The following DGLUCY variants were observed in gnomAD, a reference collection of about 807,000 sequenced individuals.
DGLUCY encodes D-glutamate cyclase, mitochondrial.
In DGLUCY, 58 loss-of-function variants were observed where a neutral mutation model predicts 58.5. The observed-to-expected ratio is 0.99, with a 90% CI of 0.80 to 1.23. The LOEUF is 1.23. Ranked by LOEUF, DGLUCY falls within the 50% of genes most tolerant of loss-of-function variation. The pLI is 0.00. For synonymous variants in DGLUCY, 325 were observed against 314.1 expected (o/e 1.03, Z -0.37); for missense variants, 779 against 784.7 (o/e 0.99, Z 0.09).
At position 91,195,915 on chromosome 14, in the gene DGLUCY, C is replaced by T. The variant is rs2050177036; in HGVS notation, c.1196-460C>T. Among the ~76,000 whole-genome samples the T allele has an allele frequency of 3.9e-5, 6 of 152,180 alleles. No individual in the cohort carries two copies. In the South Asian group the frequency reaches 1.2e-3, roughly 32 times the overall value. On this transcript the variant is annotated intron_variant, in intron 9 of 13. Coordinates refer to ENST00000256324, the MANE Select transcript of DGLUCY (RefSeq NM_001102368.3). The stretch of plus-strand genomic sequence containing the variant: ...TCAATCTCCTGACCTCGTGATCCGC[C>T]CACCTTGGCCTCCCAAAGTGCTGGA...
At chr14:91,154,054 C>T (rs1482824636) in intron 1 of DGLUCY, among the ~76,000 whole-genome samples, 2 of 152,104 alleles carry the variant, frequency 1.3e-5, no homozygotes, top group Non-Finnish European at 2.9e-5. Flanking sequence ...TACGGGTGTG[C>T]ACCACTATGC....
At chr14:91,207,053 G>A (rs949261779) in intron 12 of DGLUCY, among the ~76,000 whole-genome samples, 1 of 150,604 alleles carries the variant, frequency 6.6e-6, no homozygotes, top group Admixed American at 6.7e-5. Flanking sequence ...GGCTACGTGG[G>A]GGGGCTGAGG....
chr14:91,177,762 T>C (rs750385233), intron 7 of DGLUCY, among the ~76,000 whole-genome samples: 3 of 152,220 alleles, frequency 2.0e-5, no homozygotes, highest in Non-Finnish European at 2.9e-5. Flanking sequence ...TCATCCCTAA[T>C]GTGGTGATGA....
At chr14:91,144,271 G>A (rs957580988) in intron 1 of DGLUCY, among the ~76,000 whole-genome samples, 4 of 152,160 alleles carry the variant, frequency 2.6e-5, no homozygotes, top group Non-Finnish European at 5.9e-5. Flanking sequence ...TATATAAATG[G>A]TCAAAACAGG....
intron 13 of DGLUCY, among the ~76,000 whole-genome samples, chr14:91,217,434 G>A (rs1886721973): frequency 6.6e-6 from 1 of 151,730 alleles, no homozygotes; most frequent in Non-Finnish European, 1.5e-5. Context: ...AGGCCCGATA[G>A]CCTCCCAACG....
At chr14:91,163,123 G>C (rs1175299323) in intron 3 of DGLUCY, among the ~76,000 whole-genome samples, 1 of 152,024 alleles carries the variant, frequency 6.6e-6, no homozygotes, top group Non-Finnish European at 1.5e-5. Flanking sequence ...AGCCAGGTGT[G>C]GGGGCATGCG....
intron 1 of DGLUCY, among the ~76,000 whole-genome samples, chr14:91,095,210 C>T (rs1209850141): frequency 6.6e-6 from 1 of 152,216 alleles, no homozygotes; most frequent in Non-Finnish European, 1.5e-5. Flanking sequence ...TCTAGAACCG[C>T]TTTCCTTCAT....
intron 1 of DGLUCY, among the ~76,000 whole-genome samples, chr14:91,117,019 T>C (rs1353555125): frequency 1.3e-5 from 2 of 151,968 alleles, no homozygotes; most frequent in East Asian, 3.9e-4. Context: ...TTAACGGTTA[T>C]TTATTGATTA....
At chr14:91,079,013 C>T (rs1422035654) in intron 1 of DGLUCY, among the ~76,000 whole-genome samples, 3 of 151,926 alleles carry the variant, frequency 2.0e-5, no homozygotes, top group African/African-American at 7.3e-5. Flanking sequence ...AAGCGATTCT[C>T]CTGCCTCAGC....
chr14:91,084,204 CTT>C (rs35881437), intron 1 of DGLUCY, among the ~76,000 whole-genome samples: 63 of 136,570 alleles, frequency 4.6e-4, no homozygotes, highest in Admixed American at 7.4e-4. Flanking sequence ...ATCTGTCTCT[CTT>C]TTTTTTTTTT....
intron 8 of DGLUCY, among the ~76,000 whole-genome samples, chr14:91,185,126 G>A (rs567091377): frequency 1.5e-4 from 23 of 151,984 alleles, no homozygotes; most frequent in African/African-American, 5.6e-4. Context: ...GTGCCACCAT[G>A]TCTGGCTAAT....
chr14:91,214,276 G>A (rs548870793), intron 12 of DGLUCY, among the ~76,000 whole-genome samples: 62 of 152,030 alleles, frequency 4.1e-4, no homozygotes, highest in Non-Finnish European at 6.5e-4. Context: ...CCTCTCTTTC[G>A]TGGTGCTCTA....
chr14:91,209,952 G>A (rs79373214), intron 12 of DGLUCY, among the ~76,000 whole-genome samples: 2 of 152,084 alleles, frequency 1.3e-5, no homozygotes, highest in Non-Finnish European at 2.9e-5. Context: ...GATAAAGAGG[G>A]GGATTACATA....
chr14:91,060,546 T>C, exon 1 of DGLUCY: 1 of 1,205,196 alleles, frequency 8.3e-7, no homozygotes, highest in Non-Finnish European at 1.0e-6. Context: ...GTGCGGCGGC[T>C]CCAGAACTCG....
intron 1 of DGLUCY, among the ~76,000 whole-genome samples, chr14:91,081,215 A>G (rs1382116404): frequency 7.7e-6 from 1 of 129,866 alleles, no homozygotes; most frequent in Non-Finnish European, 1.6e-5. Context: ...AAAAAAAACA[A>G]AAAAAAAAGC....
intron 1 of DGLUCY, among the ~76,000 whole-genome samples, chr14:91,072,823 C>A (rs2043946217): frequency 6.6e-6 from 1 of 151,906 alleles, no homozygotes; most frequent in South Asian, 2.1e-4. Context: ...AGATCAAGAC[C>A]ATGGTGAAAC....
intron 1 of DGLUCY, among the ~76,000 whole-genome samples, chr14:91,139,106 C>T (rs556677643): frequency 6.6e-6 from 1 of 152,274 alleles, no homozygotes; most frequent in South Asian, 2.1e-4. Flanking sequence ...AAAAGTTCCA[C>T]TATCTGCCAT....
At chr14:91,195,429 CT>C (rs1190179838) in intron 9 of DGLUCY, among the ~76,000 whole-genome samples, 9 of 152,208 alleles carry the variant, frequency 5.9e-5, no homozygotes, top group African/African-American at 2.2e-4. Context: ...CTTTGATTCA[CT>C]TTTGGAAATC....
At chr14:91,071,054 C>A (rs865781818) in intron 1 of DGLUCY, among the ~76,000 whole-genome samples, 1 of 151,856 alleles carries the variant, frequency 6.6e-6, no homozygotes, top group Non-Finnish European at 1.5e-5. Flanking sequence ...AAAGGCTGAC[C>A]AGGTGTGGTG....
Sources: gnomAD v4.1 joint callset for allele counts (sites outside exome capture counted in the v4.1 genomes callset) on GRCh38, gnomAD v4.1.1 for gene constraint, MANE v1.5 for transcripts, NCBI Gene and HGNC (gene_info 2026-07-23, HGNC 2026-07-21) for gene names.